Variants in ZNF585B observed in about 807,000 individuals in gnomAD.
The protein encoded by ZNF585B is zinc finger protein 585B, also known as zinc finger protein 41-like protein.
In ZNF585B, 7 loss-of-function variants were observed where a neutral mutation model predicts 14.0. The observed-to-expected ratio is 0.50, with a 90% CI of 0.28 to 0.94. The LOEUF (loss-of-function observed/expected upper bound fraction) is 0.94. Among genes scored for constraint, ZNF585B ranks in the 40% least tolerant of loss-of-function variants. The pLI is 0.09. For synonymous variants in ZNF585B, 290 were observed against 317.3 expected (o/e 0.91, Z 0.91); for missense variants, 750 against 924.4 (o/e 0.81, Z 2.45).
At chr19:37,191,192 C>T (rs1972396301) in intron 2 of ZNF585B, among the ~76,000 whole-genome samples, 1 of 152,082 alleles carries the variant, frequency 6.6e-6, no homozygotes, top group Admixed American at 6.5e-5. Context: ...TTTATTTTGC[C>T]ATTTGACCTT....
At position 37,185,397 on chromosome 19, in the gene ZNF585B, C is replaced by T. The variant is rs931508731; in HGVS notation, c.2140G>A (p.Gly714Arg). 2 of 1,613,890 alleles carry T rather than the reference C, an allele frequency of 1.2e-6. No individual in the cohort carries two copies. Among genetic ancestry groups the T allele is most frequent in the African/African-American group, 2.7e-5 (2 of 74,830 alleles). ...QLQVHQRIHTGEKPYVCAECG... is the reference protein window; with the variant it reads ...QLQVHQRIHTREKPYVCAECG... The stretch of plus-strand genomic sequence containing the variant: ...TCAGCACACACGTAAGGCTTCTCTC[C>T]AGTGTGAATTCGCTGATGCACTTGG... The change falls in exon 5 of 5, where the codon GGA becomes AGA. Residue 714 changes from glycine to arginine, a missense_variant. Physicochemically the swap from Gly to Arg is moderately radical, Grantham distance 125. This residue lies in a region of ZNF585B where 233 missense variants were observed against 354.1 expected (regional missense o/e 0.66). Coordinates refer to ENST00000532828, the MANE Select transcript of ZNF585B (RefSeq NM_152279.4).
chr19:37,184,619 T>C lies in ZNF585B; in HGVS notation c.*608A>G. The C allele has an allele frequency of 5.9e-6, 1 of 169,630 alleles. No homozygotes were observed. The highest frequency in any genetic ancestry group is 1.3e-5 in the Non-Finnish European group (1 of 79,760). 10.5% of individuals were successfully genotyped at this position (169,630 alleles called of 1,614,324 possible). A position where few individuals can be genotyped will look rare whatever the true frequency, so the allele number is the denominator to read the frequency against. On this transcript the variant is annotated 3_prime_UTR_variant, in exon 5 of 5. Transcript: ENST00000532828. Reference sequence around the variant, plus strand: ...GATAATGAAGGGGACTGTAAGTCTTTTTCTATGACAATGGGGACTCAACAT... The same window carrying C: ...GATAATGAAGGGGACTGTAAGTCTTCTTCTATGACAATGGGGACTCAACAT...
In ZNF585B at chr19:37,186,899, A is replaced by C; in HGVS notation, c.638T>G (p.Leu213Arg). Residue 213 changes from leucine to arginine, a missense_variant, in exon 5 of 5, where the codon CTA (leucine) becomes CGA (arginine). This residue lies in a region of ZNF585B where 517 missense variants were observed against 570.3 expected (regional missense o/e 0.91). Transcript: ENST00000532828. ...RHHRIHTGEKLYECSECGKGF... is the reference protein window; with the variant it reads ...RHHRIHTGEKRYECSECGKGF... The stretch of plus-strand genomic sequence containing the variant: ...TTTCCCACATTCACTACATTCATAT[A>C]GTTTTTCTCCGGTATGAATTCTGTG... 6.2e-7 allele frequency: 1 copy of C among 1,613,980 alleles called. No homozygotes were observed.
At chr19:37,188,122 G>A (rs1972359097) in intron 4 of ZNF585B, among the ~76,000 whole-genome samples, 2 of 152,166 alleles carry the variant, frequency 1.3e-5, no homozygotes, top group African/African-American at 4.8e-5. Context: ...CATGGTCATA[G>A]TGTGTCCTAA....
rs757331445 is a variant in ZNF585B, at chr19:37,187,173, T to C, written c.364A>G (p.Lys122Glu). 5.0e-6 allele frequency: 8 copies of C among 1,613,480 alleles called. No individual in the cohort carries two copies. Among genetic ancestry groups the C allele is most frequent in the African/African-American group, 1.3e-5 (1 of 74,914 alleles). Residue 122 changes from lysine (K) to glutamate (E), a missense_variant, in exon 5 of 5, where the codon AAA (lysine) becomes GAA (glutamate). Physicochemically the swap from Lys to Glu is moderately conservative, Grantham distance 56. Around this residue, in one of 2 missense-constraint regions of ZNF585B, gnomAD observed 517 missense variants for 570.3 expected, o/e 0.91. Coordinates refer to ENST00000532828, the MANE Select transcript of ZNF585B (RefSeq NM_152279.4). Reference sequence around the variant, plus strand: ...TAGGATTTTTCCCCAGAATAAATTTTTTGATCTTGAGAGGAAGCTGGTTTA... The same window carrying C: ...TAGGATTTTTCCCCAGAATAAATTTCTTGATCTTGAGAGGAAGCTGGTTTA... The part of the protein sequence containing the change: ...GYKPASSQDQ[K>E]IYSGEKSYEC...
intron 1 of ZNF585B, among the ~76,000 whole-genome samples, chr19:37,209,432 C>G (rs1046844604): frequency 1.3e-5 from 2 of 151,928 alleles, no homozygotes; most frequent in African/African-American, 4.8e-5. Context: ...CTCAACTGAT[C>G]CCAATAATAT....
intron 1 of ZNF585B, among the ~76,000 whole-genome samples, chr19:37,208,288 T>C (rs1306088323): frequency 6.6e-6 from 1 of 152,122 alleles, no homozygotes; most frequent in African/African-American, 2.4e-5. Flanking sequence ...CACTATTAAG[T>C]AGACAAATTC....
At position 37,184,625 on chromosome 19, in the gene ZNF585B, T is replaced by A. The variant is rs1972310900; in HGVS notation, c.*602A>T. 1 of 172,484 alleles carries A rather than the reference T, an allele frequency of 5.8e-6. No homozygotes were observed. Among genetic ancestry groups the A allele is most frequent in the Non-Finnish European group, 1.2e-5 (1 of 81,842 alleles). 10.7% of individuals were successfully genotyped at this position (172,484 alleles called of 1,614,324 possible). A position where few individuals can be genotyped will look rare whatever the true frequency, so the allele number is the denominator to read the frequency against. On this transcript the variant is annotated 3_prime_UTR_variant, in exon 5 of 5. Transcript: ENST00000532828. ...GAAGGGGACTGTAAGTCTTTTTCTA[T>A]GACAATGGGGACTCAACATACGCTC...
rs756982023 is a variant in ZNF585B, at chr19:37,183,262, T to C, written c.*1965A>G. ...GAAGGGATACAGCCCAGGTACAGAC[T>C]AGAGGTGAAAAAGCCTGGTGTGTTT... On this transcript the variant is annotated 3_prime_UTR_variant, in exon 5 of 5. Coordinates refer to ENST00000532828, the MANE Select transcript of ZNF585B (RefSeq NM_152279.4). 2.0e-5 allele frequency: 3 copies of C among 152,150 alleles called. No homozygotes were observed. Among genetic ancestry groups the C allele is most frequent in the African/African-American group, 4.8e-5 (2 of 41,412 alleles). 9.4% of individuals were successfully genotyped at this position (152,150 alleles called of 1,614,324 possible). A position where few individuals can be genotyped will look rare whatever the true frequency, so the allele number is the denominator to read the frequency against.
intron 1 of ZNF585B, among the ~76,000 whole-genome samples, chr19:37,209,143 C>T (rs1033584044): frequency 2.0e-5 from 3 of 152,000 alleles, no homozygotes; most frequent in African/African-American, 4.8e-5. Context: ...TCACTCTTGT[C>T]GCCCCGGCTG....
chr19:37,187,330 A>G (rs1599762428), intron 4 of ZNF585B, 86 bp from the exon 5 acceptor site: 1 of 1,024,922 alleles, frequency 9.8e-7, no homozygotes, highest in South Asian at 1.7e-5. Flanking sequence ...CATCGTTTCT[A>G]TCATGAATGT....
intron 2 of ZNF585B, among the ~76,000 whole-genome samples, chr19:37,197,054 A>G (rs1484669477): frequency 6.6e-6 from 1 of 152,120 alleles, no homozygotes; most frequent in Non-Finnish European, 1.5e-5. Context: ...ATAAGTACAT[A>G]TGTGCCATGT....
At chr19:37,197,206 C>T (rs1335626419) in intron 2 of ZNF585B, among the ~76,000 whole-genome samples, 1 of 151,926 alleles carries the variant, frequency 6.6e-6, no homozygotes, top group African/African-American at 2.4e-5. Context: ...GTTCAATTCC[C>T]ACCTACGAGT....
chr19:37,192,387 A>G (rs562495363), intron 2 of ZNF585B, among the ~76,000 whole-genome samples: 2 of 152,118 alleles, frequency 1.3e-5, no homozygotes, highest in East Asian at 3.9e-4. Flanking sequence ...AATACAAAGT[A>G]TGGGGTAAGG....
intron 2 of ZNF585B, among the ~76,000 whole-genome samples, chr19:37,203,224 C>T (rs530858778): frequency 6.6e-6 from 1 of 152,044 alleles, no homozygotes; most frequent in East Asian, 1.9e-4. Flanking sequence ...ACCATAACTG[C>T]TTTTTTCCCA....
rs267605451 is a variant in ZNF585B at position 37,186,941 on chromosome 19, G to A, written c.596C>T (p.Ser199Leu). Reference sequence around the variant, plus strand: ...AATTCTGTGATGCCTGAAAAGAGACGATACTTGAAAAAAGGATTTTCCACA... The same window carrying A: ...AATTCTGTGATGCCTGAAAAGAGACAATACTTGAAAAAAGGATTTTCCACA... ...NECGKSFFQV[S>L]SLFRHHRIHT... Residue 199 changes from serine (S) to leucine (L), a missense_variant, in exon 5 of 5, where the codon TCG becomes TTG. By Grantham distance (145) the Ser-to-Leu change is moderately radical. This residue lies in a region of ZNF585B where 517 missense variants were observed against 570.3 expected (regional missense o/e 0.91). Transcript: ENST00000532828. 42 of 1,613,810 alleles carry A rather than the reference G, an allele frequency of 2.6e-5. 1 individual carries two copies. The highest frequency in any genetic ancestry group is 1.6e-4 in the East Asian group (7 of 44,896).
chr19:37,193,470 C>CAAA (rs1188808062), intron 2 of ZNF585B, among the ~76,000 whole-genome samples: 5 of 78,306 alleles, frequency 6.4e-5, no homozygotes, highest in Admixed American at 6.1e-4. Context: ...GCCTCTGTCT[C>CAAA]AAAAAAAAAA....
rs183312759 is a variant in ZNF585B at position 37,184,864 on chromosome 19, T to C, written c.*363A>G. The C allele has an allele frequency of 3.7e-5, 16 of 430,688 alleles. 1 individual carries two copies. The East Asian group carries it at 5.3e-4, about 14-fold the overall frequency. 26.7% of individuals were successfully genotyped at this position (430,688 alleles called of 1,614,324 possible). A position where few individuals can be genotyped will look rare whatever the true frequency, so the allele number is the denominator to read the frequency against. ...TTATGTTGTCTTACCATTCAAACTG[T>C]TGGCACTATACCTAATCCACAGTAA... On this transcript the variant is annotated 3_prime_UTR_variant, in exon 5 of 5. Transcript: ENST00000532828.
chr19:37,194,585 C>G (rs1972439249), intron 2 of ZNF585B, among the ~76,000 whole-genome samples: 1 of 152,126 alleles, frequency 6.6e-6, no homozygotes, highest in Non-Finnish European at 1.5e-5. Context: ...TGCACTCCAG[C>G]CTGGGCAACA....
Sources: allele counts gnomAD v4.1 joint callset (sites outside exome capture counted in the v4.1 genomes callset), GRCh38; gene constraint gnomAD v4.1.1; regional missense constraint gnomAD v4.1.1; transcripts MANE v1.5; gene names NCBI Gene and HGNC (gene_info 2026-07-23, HGNC 2026-07-21).